NRG2: variants seen among roughly 807,000 people sequenced by gnomAD.
The protein encoded by NRG2 is pro-neuregulin-2, membrane-bound isoform.
In NRG2, 27 loss-of-function variants were observed where a neutral mutation model predicts 73.9. That is an observed-to-expected ratio of 0.37 (90% CI 0.27 to 0.50). NRG2 has a LOEUF of 0.50. Ranked by LOEUF, NRG2 falls within the 20% of genes least tolerant of loss-of-function variation. The pLI is 0.96. For synonymous variants in NRG2, 532 were observed against 541.0 expected, an observed-to-expected ratio of 0.98 and a Z score of 0.23; for missense variants, 1,126 against 1,210.1, an observed-to-expected ratio of 0.93 and a Z score of 1.03.
At chr5:139,864,163 C>T (rs1414121597) in intron 5 of NRG2, among the ~76,000 whole-genome samples, 3 of 152,138 alleles carry the variant, frequency 2.0e-5, no homozygotes, top group South Asian at 4.1e-4. Flanking sequence ...GCCTGCTCTG[C>T]AGGATGGGAT....
At chr5:140,033,889 T>C (rs1761322742) in intron 1 of NRG2, among the ~76,000 whole-genome samples, 1 of 152,202 alleles carries the variant, frequency 6.6e-6, no homozygotes, top group Non-Finnish European at 1.5e-5. Context: ...ACTATCTTCA[T>C]TTTACAGGAA....
intron 1 of NRG2, among the ~76,000 whole-genome samples, chr5:140,005,291 C>T (rs937798863): frequency 1.3e-5 from 2 of 152,162 alleles, no homozygotes; most frequent in African/African-American, 4.8e-5. Flanking sequence ...TATCAGTTCA[C>T]CAGAGACCTC....
chr5:139,959,302 C>T (rs1270393032), intron 1 of NRG2, among the ~76,000 whole-genome samples: 1 of 152,190 alleles, frequency 6.6e-6, no homozygotes, highest in Non-Finnish European at 1.5e-5. Context: ...CAGTCTCAAG[C>T]GATTCTCCTG....
intron 1 of NRG2, among the ~76,000 whole-genome samples, chr5:139,908,782 C>T (rs1385818966): frequency 1.3e-5 from 2 of 152,226 alleles, no homozygotes; most frequent in Non-Finnish European, 2.9e-5. Flanking sequence ...ATGACTGATG[C>T]TTAGTTCCTG....
At chr5:139,938,940 AG>A (rs1436089065) in intron 1 of NRG2, among the ~76,000 whole-genome samples, 45 of 143,390 alleles carry the variant, frequency 3.1e-4, no homozygotes, top group African/African-American at 1.1e-3. Flanking sequence ...AAAGAAAGAA[AG>A]AAAGAAAGAA....
chr5:140,037,349 A>G (rs890657348), intron 1 of NRG2, among the ~76,000 whole-genome samples: 2 of 152,214 alleles, frequency 1.3e-5, no homozygotes, highest in Non-Finnish European at 2.9e-5. Flanking sequence ...TATACAATGT[A>G]TTGTCAGGGA....
At chr5:139,972,438 T>G (rs994673962) in intron 1 of NRG2, among the ~76,000 whole-genome samples, 1 of 152,144 alleles carries the variant, frequency 6.6e-6, no homozygotes, top group African/African-American at 2.4e-5. Flanking sequence ...TTAAAGAATG[T>G]CATAAACTGG....
At chr5:139,966,434 T>A (rs558199618) in intron 1 of NRG2, among the ~76,000 whole-genome samples, 1 of 152,194 alleles carries the variant, frequency 6.6e-6, no homozygotes, top group African/African-American at 2.4e-5. Context: ...AAGAAACAAA[T>A]GACTACAATT....
At chr5:140,031,021 C>A (rs1354896582) in intron 1 of NRG2, among the ~76,000 whole-genome samples, 3 of 152,150 alleles carry the variant, frequency 2.0e-5, no homozygotes. Context: ...AAGAATCCAA[C>A]CTAAGGGAAA....
At chr5:139,930,110 G>T (rs980817479) in intron 1 of NRG2, among the ~76,000 whole-genome samples, 1 of 152,138 alleles carries the variant, frequency 6.6e-6, no homozygotes, top group Admixed American at 6.5e-5. Context: ...GTTTTCCATG[G>T]CACCCTTGCT....
chr5:139,954,537 C>T lies in NRG2; in HGVS notation c.701-67026G>A, dbSNP rs1420627155. Among the ~76,000 whole-genome samples, 2 of 152,148 alleles carry T rather than the reference C, an allele frequency of 1.3e-5. No individual in the cohort carries two copies. Among genetic ancestry groups the T allele is most frequent in the Non-Finnish European group, 2.9e-5 (2 of 68,020 alleles). On this transcript the variant is annotated intron_variant, in intron 1 of 9. Coordinates refer to ENST00000361474, the MANE Select transcript of NRG2 (RefSeq NM_004883.3). The surrounding 1 kb of genome is among the most constrained non-coding windows in gnomAD (Gnocchi z 5.0). ...GGCAATGGCTTCTCAACGCCTTAGT[C>T]AAGATAAATAAACTTCTAAGCCCCA...
chr5:140,031,543 G>A (rs1439025674), intron 1 of NRG2, among the ~76,000 whole-genome samples: 2 of 152,056 alleles, frequency 1.3e-5, no homozygotes, highest in Non-Finnish European at 2.9e-5. Context: ...TGCTAGAAAA[G>A]TTGCCCTGGA....
At chr5:140,015,448 G>A (rs964250336) in intron 1 of NRG2, among the ~76,000 whole-genome samples, 15 of 152,162 alleles carry the variant, frequency 9.9e-5, no homozygotes, top group Non-Finnish European at 2.1e-4. Context: ...GACTGTGAGT[G>A]TCCCATGGGC....
intron 1 of NRG2, among the ~76,000 whole-genome samples, chr5:139,902,783 A>G (rs1459825025): frequency 6.6e-6 from 1 of 152,088 alleles, no homozygotes; most frequent in Non-Finnish European, 1.5e-5. Context: ...AAAAAGAGGC[A>G]CCCTGCATTC....
rs368691191 is a variant in NRG2 at position 139,989,881 on chromosome 5, T to G, written c.700+52489A>C. Among the ~76,000 whole-genome samples, 1,239 of 151,556 alleles carry G rather than the reference T, an allele frequency of 8.2e-3. 21 individuals carry two copies. Among genetic ancestry groups the G allele is most frequent in the Middle Eastern group, 0.014 (4 of 294 alleles). On this transcript the variant is annotated intron_variant, in intron 1 of 9. Coordinates refer to ENST00000361474, the MANE Select transcript of NRG2 (RefSeq NM_004883.3). ...TCGGCTCACTGCAAGCTCCGCCTCCTGGGTTCATGCCATTCTCCTGCCTCA... is the reference window on the plus strand; with the variant it reads ...TCGGCTCACTGCAAGCTCCGCCTCCGGGGTTCATGCCATTCTCCTGCCTCA...
chr5:140,016,774 G>A (rs1021529894), intron 1 of NRG2, among the ~76,000 whole-genome samples: 13 of 152,242 alleles, frequency 8.5e-5, no homozygotes, highest in African/African-American at 3.1e-4. Context: ...TAGGTGAGGA[G>A]GAGGAAGAGC....
intron 1 of NRG2, among the ~76,000 whole-genome samples, chr5:139,974,430 G>A (rs929129430): frequency 4.6e-5 from 7 of 152,196 alleles, no homozygotes; most frequent in Non-Finnish European, 7.3e-5. Context: ...TGAGCCAGGG[G>A]AAGGGGAGAA....
At chr5:139,959,135 A>T (rs996678072) in intron 1 of NRG2, among the ~76,000 whole-genome samples, 1 of 152,216 alleles carries the variant, frequency 6.6e-6, no homozygotes, top group African/African-American at 2.4e-5. Context: ...TGAGCATTGT[A>T]CAGGAGAGGG....
At chr5:139,877,605 C>T (rs924531217) in intron 3 of NRG2, among the ~76,000 whole-genome samples, 1 of 152,238 alleles carries the variant, frequency 6.6e-6, no homozygotes, top group Non-Finnish European at 1.5e-5. Flanking sequence ...CCAGCAGTGG[C>T]CCTGTTCACC....
Sources: allele counts gnomAD v4.1 joint callset (sites outside exome capture counted in the v4.1 genomes callset), GRCh38; gene constraint gnomAD v4.1.1; non-coding constraint Gnocchi (gnomAD v3.1); transcripts MANE v1.5; gene names NCBI Gene and HGNC (gene_info 2026-07-23, HGNC 2026-07-21).